CHN1: variants seen among roughly 807,000 people sequenced by gnomAD.
CHN1 encodes chimerin 1.
CHN1 carries 37 observed loss-of-function variants against 59.5 expected under a neutral mutation model. The observed-to-expected ratio is 0.62, with a 90% confidence interval of 0.48 to 0.82. The LOEUF (loss-of-function observed/expected upper bound fraction) is 0.82, where lower values mean the gene tolerates loss of function less well. Among genes scored for constraint, CHN1 ranks in the 40% least tolerant of loss-of-function variants. CHN1 has a pLI of 0.00. For synonymous variants in CHN1, 206 were observed against 200.4 expected (o/e 1.03, Z -0.24); for missense variants, 469 against 571.0 (o/e 0.82, Z 1.82).
At chr2:174,825,884 TA>T (rs985203476) in intron 7 of CHN1, among the ~76,000 whole-genome samples, 2 of 152,218 alleles carry the variant, frequency 1.3e-5, no homozygotes, top group Non-Finnish European at 2.9e-5. Context: ...CCATGCCAAT[TA>T]AATCATGACA....
Position 174,916,131 on chromosome 2 carries a change from G to A in CHN1, c.147-960C>T, listed in dbSNP as rs1408645210. On this transcript the variant is annotated intron_variant, in intron 4 of 12. Coordinates refer to ENST00000409900, the MANE Select transcript of CHN1 (RefSeq NM_001822.7). ...TGTCCTCCCATGAGTTTCAGCAACC[G>A]GGGAAGACTGACTCTTACGGAGGAG... 3.9e-5 allele frequency among the ~76,000 whole-genome samples: 6 copies of A among 152,080 alleles called. No individual in the cohort carries two copies. In the South Asian group the frequency reaches 8.3e-4, roughly 21 times the overall value.
At chr2:174,826,116 T>C (rs907244389) in intron 7 of CHN1, among the ~76,000 whole-genome samples, 1 of 152,198 alleles carries the variant, frequency 6.6e-6, no homozygotes, top group African/African-American at 2.4e-5. Flanking sequence ...AATTTTATGT[T>C]GATTTTGAAA....
At chr2:174,830,992 CA>C (rs1685861684) in intron 7 of CHN1, among the ~76,000 whole-genome samples, 1 of 152,156 alleles carries the variant, frequency 6.6e-6, no homozygotes, top group East Asian at 1.9e-4. Flanking sequence ...ATACATTGAC[CA>C]TACCACAAAT....
At chr2:174,910,981 T>TCTCCACAA (rs1371383195) in intron 5 of CHN1, among the ~76,000 whole-genome samples, 2 of 151,368 alleles carry the variant, frequency 1.3e-5, no homozygotes, top group African/African-American at 4.9e-5. Flanking sequence ...TCATATTAGC[T>TCTCCACAA]CTCCACAAGG....
At chr2:174,852,292 C>G (rs930964825) in intron 6 of CHN1, among the ~76,000 whole-genome samples, 1 of 151,780 alleles carries the variant, frequency 6.6e-6, no homozygotes, top group East Asian at 1.9e-4. Context: ...CTCAAAAAAA[C>G]AAACAAAACC....
intron 5 of CHN1, among the ~76,000 whole-genome samples, chr2:174,891,140 C>CA (rs58016502): frequency 0.031 from 750 of 24,320 alleles, 67 homozygotes; most frequent in East Asian, 0.1. Flanking sequence ...GACTCCATCT[C>CA]AAAAAAAAAA....
At chr2:174,893,604 G>A (rs1325885188) in intron 5 of CHN1, among the ~76,000 whole-genome samples, 1 of 151,734 alleles carries the variant, frequency 6.6e-6, no homozygotes, top group East Asian at 1.9e-4. Context: ...AACCTCCATA[G>A]AATTTTTGCA....
At chr2:174,837,682 G>C (rs1686135599) in intron 7 of CHN1, among the ~76,000 whole-genome samples, 1 of 152,036 alleles carries the variant, frequency 6.6e-6, no homozygotes, top group African/African-American at 2.4e-5. Flanking sequence ...AATTTAAGAA[G>C]AGGGATTAGA....
intron 6 of CHN1, among the ~76,000 whole-genome samples, chr2:174,865,064 G>C (rs1223756329): frequency 6.6e-6 from 1 of 152,128 alleles, no homozygotes; most frequent in African/African-American, 2.4e-5. Flanking sequence ...GCAACTAAGA[G>C]AGAACTAAGC....
At chr2:174,854,587 T>G (rs752669857) in intron 6 of CHN1, among the ~76,000 whole-genome samples, 2 of 152,222 alleles carry the variant, frequency 1.3e-5, no homozygotes, top group Non-Finnish European at 2.9e-5. Context: ...TGTCATTTAT[T>G]GGCTATGGCA....
chr2:174,876,401 T>C (rs1408210837), intron 6 of CHN1, among the ~76,000 whole-genome samples: 1 of 152,172 alleles, frequency 6.6e-6, no homozygotes, highest in Admixed American at 6.5e-5. Context: ...ATAATGTCAG[T>C]ATTATTCAAA....
chr2:174,958,529 A>C (rs1690290770), intron 1 of CHN1, among the ~76,000 whole-genome samples: 1 of 152,174 alleles, frequency 6.6e-6, no homozygotes, highest in Non-Finnish European at 1.5e-5. Context: ...GATCATTCTG[A>C]CTTTGGAGAA....
In CHN1 at chr2:174,800,076, T is replaced by C; in HGVS notation, c.*40A>G. ...AAATTAAATTACTATAAAACATTCC[T>C]TCATCTGTAAAACATTTCTTTTCCC... On this transcript the variant is annotated 3_prime_UTR_variant, in exon 13 of 13. Coordinates refer to ENST00000409900, the MANE Select transcript of CHN1 (RefSeq NM_001822.7). 1 of 1,498,618 alleles carries C rather than the reference T, an allele frequency of 6.7e-7. No individual in the cohort carries two copies. Among genetic ancestry groups the C allele is most frequent in the Non-Finnish European group, 9.0e-7 (1 of 1,106,468 alleles). The allele number at this position is 1,498,618 out of a possible 1,614,324, so 92.8% of individuals were successfully genotyped here. A position where few individuals can be genotyped will look rare whatever the true frequency, so the allele number is the denominator to read the frequency against.
chr2:174,982,603 T>C (rs1691192007), intron 1 of CHN1, among the ~76,000 whole-genome samples: 1 of 152,174 alleles, frequency 6.6e-6, no homozygotes, highest in East Asian at 1.9e-4. Context: ...ATTCCAGAGT[T>C]CTGGCTATAT....
intron 7 of CHN1, among the ~76,000 whole-genome samples, chr2:174,845,807 G>T (rs1686491892): frequency 6.7e-6 from 1 of 149,934 alleles, no homozygotes; most frequent in Non-Finnish European, 1.5e-5. Flanking sequence ...GGTATTTAGT[G>T]TTTGAGTAAA....
intron 6 of CHN1, among the ~76,000 whole-genome samples, chr2:174,867,336 C>T (rs1367404365): frequency 6.6e-6 from 1 of 150,426 alleles, no homozygotes; most frequent in Non-Finnish European, 1.5e-5. Context: ...GAGATTGTGT[C>T]AAACTGCACT....
intron 6 of CHN1, among the ~76,000 whole-genome samples, chr2:174,853,752 T>C (rs562810107): frequency 6.6e-6 from 1 of 152,280 alleles, no homozygotes; most frequent in South Asian, 2.1e-4. Context: ...CACACTATGG[T>C]ATACTATGCA....
rs185476788 is a variant in CHN1, at chr2:174,850,343, T to A, written c.550-3386A>T. 9.8e-5 allele frequency among the ~76,000 whole-genome samples: 15 copies of A among 152,316 alleles called. No individual in the cohort carries two copies. The East Asian group carries it at 2.1e-3, about 22-fold the overall frequency. On this transcript the variant is annotated intron_variant, in intron 6 of 12. Coordinates refer to ENST00000409900, the MANE Select transcript of CHN1 (RefSeq NM_001822.7). ...TATTTGGTTAAAAAATAAAACCAAATGAAGGCAGCTATTTTTATTGGGGGG... is the reference window on the plus strand; with the variant it reads ...TATTTGGTTAAAAAATAAAACCAAAAGAAGGCAGCTATTTTTATTGGGGGG...
chr2:174,991,835 A>C (rs1206634220), intron 1 of CHN1, among the ~76,000 whole-genome samples: 1 of 152,234 alleles, frequency 6.6e-6, no homozygotes, highest in African/African-American at 2.4e-5. Flanking sequence ...TTATTCATTT[A>C]ACAAATATTT....
Sources: allele counts gnomAD v4.1 joint callset (sites outside exome capture counted in the v4.1 genomes callset), GRCh38; gene constraint gnomAD v4.1.1; transcripts MANE v1.5; gene names NCBI Gene and HGNC (gene_info 2026-07-23, HGNC 2026-07-21).